LRP1B: variants seen among roughly 807,000 people sequenced by gnomAD.
LRP1B encodes LDL receptor related protein 1B.
A neutral mutation model predicts 556.6 loss-of-function variants in LRP1B; 217 were observed. That is an observed-to-expected ratio of 0.39 (90% CI 0.35 to 0.44). The LOEUF (loss-of-function observed/expected upper bound fraction) is 0.44. Ranked by LOEUF, LRP1B falls within the 20% of genes least tolerant of loss-of-function variation. The pLI, the probability that LRP1B is intolerant of heterozygous loss-of-function variation, is 1.00. For missense variants in LRP1B, 5,053 were observed against 5,620.8 expected, an observed-to-expected ratio of 0.90 and a Z score of 3.23; for synonymous variants, 2,047 against 1,865.8, an observed-to-expected ratio of 1.10 and a Z score of -2.50.
rs1694147709 is a variant in LRP1B, at chr2:140,903,006, A to T, written c.3680T>A (p.Val1227Glu). 1 of 1,613,722 alleles carries T rather than the reference A, an allele frequency of 6.2e-7. No individual in the cohort carries two copies. The highest frequency in any genetic ancestry group is 8.5e-7 in the Non-Finnish European group (1 of 1,179,752). ...YCSNHLKCSQ[V>E]CEQHKHTVKC... is the part of the protein sequence containing the mutation. ...GACTGTGTGCTTGTGCTGCTCACAT[A>T]CTTGGCTGCACTTTAGATGATTGCT... The change falls in exon 23 of 91, where the codon GTA (valine) becomes GAA (glutamate). Residue 1227 changes from valine (V) to glutamate (E), a missense_variant. This residue lies in a region of LRP1B where 3,619 missense variants were observed against 3,931.9 expected (regional missense o/e 0.92). Transcript: ENST00000389484.
intron 3 of LRP1B, among the ~76,000 whole-genome samples, chr2:141,463,068 C>T (rs151026515): frequency 6.6e-6 from 1 of 152,010 alleles, no homozygotes; most frequent in Non-Finnish European, 1.5e-5. Context: ...GTTGGATGAC[C>T]CTTTGTTTAA....
intron 31 of LRP1B, among the ~76,000 whole-genome samples, chr2:140,830,453 A>C (rs1691677030): frequency 6.6e-6 from 1 of 152,172 alleles, no homozygotes; most frequent in African/African-American, 2.4e-5. Context: ...CAACCTATGC[A>C]AATTAATAAA....
intron 3 of LRP1B, among the ~76,000 whole-genome samples, chr2:141,261,091 T>C (rs1684666884): frequency 6.6e-6 from 1 of 152,174 alleles, no homozygotes; most frequent in Non-Finnish European, 1.5e-5. Flanking sequence ...CAGCAGGACA[T>C]ATGCTTGACA....
intron 27 of LRP1B, among the ~76,000 whole-genome samples, chr2:140,863,618 T>C (rs545411413): frequency 6.6e-6 from 1 of 152,296 alleles, no homozygotes; most frequent in South Asian, 2.1e-4. Flanking sequence ...CCTCACTTGC[T>C]GCTTCGATCT....
rs552866750 is a variant in LRP1B, at chr2:141,572,956, G to T, written c.206-92423C>A. 1.9e-3 allele frequency among the ~76,000 whole-genome samples: 292 copies of T among 152,242 alleles called. 3 individuals carry two copies. Among genetic ancestry groups the T allele is most frequent in the African/African-American group, 6.8e-3 (284 of 41,552 alleles). ...AGGAGCACCCAGATTCATAAAACAA[G>T]TTCTTAGAGACCTACAAAGAGACAT... On this transcript the variant is annotated intron_variant, in intron 2 of 90. Coordinates refer to ENST00000389484, the MANE Select transcript of LRP1B (RefSeq NM_018557.3).
chr2:142,107,722 G>A lies in LRP1B; in HGVS notation c.82+22926C>T, dbSNP rs1706801043. On this transcript the variant is annotated intron_variant, in intron 1 of 90. Transcript: ENST00000389484. ...GGCTCATTGCAACCTCCGCCTCCTG[G>A]GTTCAAGCGATTCTCCTGTCTCAGC... Among the ~76,000 whole-genome samples the A allele has an allele frequency of 2.6e-5, 4 of 151,530 alleles. No individual in the cohort carries two copies. In the South Asian group the frequency reaches 8.3e-4, roughly 32 times the overall value.
Position 141,131,407 on chromosome 2 carries a change from TTATATATATATA to T in LRP1B, c.1013+57002_1013+57013del, listed in dbSNP as rs67661603. 1.2e-3 allele frequency among the ~76,000 whole-genome samples: 133 copies of T among 110,696 alleles called. 4 individuals carry two copies. Among genetic ancestry groups the T allele is most frequent in the Admixed American group, 3.9e-3 (43 of 11,142 alleles). The allele number at this position is 110,696 out of a possible 152,430, so 72.6% of individuals were successfully genotyped here. On this transcript the variant is annotated intron_variant, in intron 7 of 90. Transcript: ENST00000389484. The stretch of plus-strand genomic sequence containing the variant: ...GGTTACAAAATTATAATGCATAAAG[TTATATATATATA>T]TATATATATATTTGCTCTTAGAATT...
chr2:140,998,874 T>G (rs1697330272), intron 15 of LRP1B, among the ~76,000 whole-genome samples: 1 of 152,178 alleles, frequency 6.6e-6, no homozygotes, highest in East Asian at 1.9e-4. Flanking sequence ...GTTTTGCTTG[T>G]TTGACTCAGA....
chr2:141,500,438 T>C (rs1222341806), intron 2 of LRP1B, among the ~76,000 whole-genome samples: 1 of 152,140 alleles, frequency 6.6e-6, no homozygotes, highest in African/African-American at 2.4e-5. Flanking sequence ...CCCCGGTTAC[T>C]AAGCTAAAGA....
chr2:141,446,027 C>A (rs1042667256), intron 3 of LRP1B, among the ~76,000 whole-genome samples: 4 of 152,154 alleles, frequency 2.6e-5, no homozygotes, highest in Admixed American at 1.3e-4. Context: ...ATATCAAAAT[C>A]TCCCATTATT....
chr2:142,027,401 A>AATAT (rs1703545104), intron 1 of LRP1B, among the ~76,000 whole-genome samples: 1 of 151,534 alleles, frequency 6.6e-6, no homozygotes, highest in African/African-American at 2.4e-5. Context: ...CTATATATTC[A>AATAT]ATAATATATA....
chr2:141,249,105 T>G (rs1167576282), intron 4 of LRP1B, among the ~76,000 whole-genome samples: 1 of 152,114 alleles, frequency 6.6e-6, no homozygotes, highest in African/African-American at 2.4e-5. Flanking sequence ...CTTGAGTAAA[T>G]GTGTAATGAT....
At position 140,937,169 on chromosome 2, in the gene LRP1B, G is replaced by A. The variant is rs146578387; in HGVS notation, c.3136+13066C>T. ...CAAAATGCCAACTAAACATAAAAGGGCAGTAATGCAGGAATTGAGGAACAA... is the reference window on the plus strand; with the variant it reads ...CAAAATGCCAACTAAACATAAAAGGACAGTAATGCAGGAATTGAGGAACAA... On this transcript the variant is annotated intron_variant, in intron 20 of 90. Transcript: ENST00000389484. Among the ~76,000 whole-genome samples the A allele has an allele frequency of 3.6e-3, 554 of 152,056 alleles. 4 individuals are homozygous for A. The highest frequency in any genetic ancestry group is 0.013 in the African/African-American group (521 of 41,498).
chr2:141,746,369 C>G (rs757365312), intron 2 of LRP1B, among the ~76,000 whole-genome samples: 2 of 152,134 alleles, frequency 1.3e-5, no homozygotes, highest in Non-Finnish European at 2.9e-5. Flanking sequence ...TCTAAATGCT[C>G]CCTGTGTGGA....
chr2:140,460,487 G>T lies in LRP1B; in HGVS notation c.9626-2836C>A, dbSNP rs190168040. Among the ~76,000 whole-genome samples the T allele has an allele frequency of 3.1e-4, 47 of 152,228 alleles. 1 individual carries two copies. The highest frequency in any genetic ancestry group is 1.8e-3 in the Admixed American group (28 of 15,278). On this transcript the variant is annotated intron_variant, in intron 60 of 90. Transcript: ENST00000389484. ...ATTTAGGGGAAAAGTAGTCACTGTT[G>T]CCTAAAAATGATGATGACTATCATT...
At chr2:140,947,767 T>C (rs1164717650) in intron 20 of LRP1B, among the ~76,000 whole-genome samples, 1 of 152,236 alleles carries the variant, frequency 6.6e-6, no homozygotes, top group Non-Finnish European at 1.5e-5. Flanking sequence ...CGTAGAATAT[T>C]TGATTAGGGA....
chr2:141,338,835 C>T (rs775087632), intron 3 of LRP1B, among the ~76,000 whole-genome samples: 62 of 152,144 alleles, frequency 4.1e-4, no homozygotes, highest in Non-Finnish European at 6.6e-4. Context: ...CAAAGCTCTT[C>T]CTTGATCTAG....
intron 35 of LRP1B, among the ~76,000 whole-genome samples, chr2:140,739,952 C>T (rs1688081891): frequency 6.6e-6 from 1 of 152,108 alleles, no homozygotes; most frequent in South Asian, 2.1e-4. Context: ...CAGGGAAATG[C>T]AAATCAAAAC....
At chr2:142,032,174 G>T (rs1486362806) in intron 1 of LRP1B, among the ~76,000 whole-genome samples, 5 of 151,848 alleles carry the variant, frequency 3.3e-5, no homozygotes, top group African/African-American at 1.2e-4. Flanking sequence ...TCCTACAGAA[G>T]TCAACAGGTA....
Sources: gnomAD v4.1 joint callset for allele counts (sites outside exome capture counted in the v4.1 genomes callset) on GRCh38, gnomAD v4.1.1 for gene constraint, gnomAD v4.1.1 regional missense constraint, MANE v1.5 for transcripts, NCBI Gene and HGNC (gene_info 2026-07-23, HGNC 2026-07-21) for gene names.